SPTLC2: variants seen among roughly 807,000 people sequenced by gnomAD.
The protein encoded by SPTLC2 is serine palmitoyltransferase 2.
SPTLC2 carries 21 observed loss-of-function variants against 62.0 expected under a neutral mutation model. That is an observed-to-expected ratio of 0.34 (90% CI 0.24 to 0.49). The LOEUF (loss-of-function observed/expected upper bound fraction) is 0.49, where lower values mean the gene tolerates loss of function less well. SPTLC2 is among the 20% of genes least tolerant of loss of function. The pLI, the probability that SPTLC2 is intolerant of heterozygous loss-of-function variation, is 0.99. For missense variants in SPTLC2, 511 were observed against 713.0 expected (o/e 0.72, Z 3.23); for synonymous variants, 261 against 261.8 (o/e 1.00, Z 0.03).
Position 77,570,287 on chromosome 14 carries a change from CCTA to C in SPTLC2, c.756+94_756+96del, listed in dbSNP as rs2079673757. ...ATATCTTTGGCTAAACTATGTTTAG[CCTA>C]AAGTTTATAACAGCTTTTAGCTCAC... On this transcript the variant is annotated intron_variant, in intron 5 of 11. Coordinates refer to ENST00000216484, the MANE Select transcript of SPTLC2 (RefSeq NM_004863.4). 6 of 1,502,858 alleles carry C rather than the reference CCTA, an allele frequency of 4.0e-6. No individual in the cohort carries two copies. The Admixed American group carries it at 1.0e-4, about 26-fold the overall frequency. The allele number at this position is 1,502,858 out of a possible 1,614,324, so 93.1% of individuals were successfully genotyped here.
chr14:77,566,876 T>C (rs1001116657), intron 5 of SPTLC2, among the ~76,000 whole-genome samples: 12 of 55,930 alleles, frequency 2.1e-4, no homozygotes. Flanking sequence ...GGAAATTCAG[T>C]ATCAGATTCA....
At chr14:77,527,194 T>C (rs1043713238) in intron 9 of SPTLC2, among the ~76,000 whole-genome samples, 28 of 151,796 alleles carry the variant, frequency 1.8e-4, no homozygotes, top group Middle Eastern at 3.4e-3. Flanking sequence ...CCTCTCAGGC[T>C]CAAGCGATTC....
chr14:77,516,637 G>GA (rs574350476), intron 11 of SPTLC2, among the ~76,000 whole-genome samples: 111 of 151,382 alleles, frequency 7.3e-4, no homozygotes, highest in Non-Finnish European at 1.3e-3. Context: ...TCAAAATAAA[G>GA]AAAAAAAAGA....
At chr14:77,533,387 A>T (rs564432554) in intron 9 of SPTLC2, among the ~76,000 whole-genome samples, 1 of 152,288 alleles carries the variant, frequency 6.6e-6, no homozygotes, top group African/African-American at 2.4e-5. Context: ...TTTTTGTAGA[A>T]ATAATATGCT....
At chr14:77,530,806 A>G (rs28379508) in intron 9 of SPTLC2, among the ~76,000 whole-genome samples, 144 of 139,298 alleles carry the variant, frequency 1.0e-3, no homozygotes, top group African/African-American at 3.4e-3. Flanking sequence ...GAATGACTCA[A>G]TGATGTATTC....
rs978038970 is a variant in SPTLC2 at position 77,520,255 on chromosome 14, C to T, written c.1439+1191G>A. On this transcript the variant is annotated intron_variant, in intron 10 of 11. Coordinates refer to ENST00000216484, the MANE Select transcript of SPTLC2 (RefSeq NM_004863.4). Reference sequence around the variant, plus strand: ...AATCCTTCCCCATCCCCTCTGAAGCCATAATACCAACTGCCCATATGACTT... The same window carrying T: ...AATCCTTCCCCATCCCCTCTGAAGCTATAATACCAACTGCCCATATGACTT... Among the ~76,000 whole-genome samples the T allele has an allele frequency of 3.3e-5, 5 of 152,204 alleles. 1 individual carries two copies. Among genetic ancestry groups the T allele is most frequent in the Non-Finnish European group, 7.3e-5 (5 of 68,030 alleles).
Position 77,578,100 on chromosome 14 carries a change from G to A in SPTLC2, c.482+855C>T, listed in dbSNP as rs1387103781. Among the ~76,000 whole-genome samples the A allele has an allele frequency of 3.9e-5, 6 of 152,168 alleles. No homozygotes were observed. In the East Asian group the frequency reaches 9.7e-4, roughly 25 times the overall value. ...GTGGAGGTTGCAGTGGGCTAAGATTGTGACACTGCACTCCAGCCTGGGCAA... is the reference window on the plus strand; with the variant it reads ...GTGGAGGTTGCAGTGGGCTAAGATTATGACACTGCACTCCAGCCTGGGCAA... On this transcript the variant is annotated intron_variant, in intron 3 of 11. Transcript: ENST00000216484.
intron 11 of SPTLC2, among the ~76,000 whole-genome samples, chr14:77,516,005 TGCGC>T (rs1318120124): frequency 0.012 from 238 of 19,660 alleles, 1 homozygote; most frequent in African/African-American, 0.015. Context: ...TGTGTGTGTG[TGCGC>T]GCGCGCGCAT....
intron 7 of SPTLC2, among the ~76,000 whole-genome samples, chr14:77,556,338 A>T (rs541304704): frequency 2.9e-4 from 36 of 123,778 alleles, no homozygotes; most frequent in African/African-American, 1.1e-3. Context: ...CAAACCACCA[A>T]AAAACAAAAA....
intron 9 of SPTLC2, among the ~76,000 whole-genome samples, chr14:77,542,637 C>T (rs1470166168): frequency 2.0e-5 from 3 of 152,170 alleles, no homozygotes; most frequent in Non-Finnish European, 4.4e-5. Context: ...TAAAGAACAT[C>T]AAAGCAGACA....
At chr14:77,519,103 G>A (rs1474846127) in intron 10 of SPTLC2, among the ~76,000 whole-genome samples, 6 of 152,160 alleles carry the variant, frequency 3.9e-5, no homozygotes, top group African/African-American at 7.2e-5. Context: ...GCAGTGGCAC[G>A]ATCTTGGCTC....
chr14:77,518,495 G>A (rs1002006769), intron 10 of SPTLC2, among the ~76,000 whole-genome samples: 14 of 151,898 alleles, frequency 9.2e-5, no homozygotes, highest in African/African-American at 3.1e-4. Context: ...TACTCAGGAG[G>A]CTGAGGCATG....
chr14:77,565,070 T>A (rs536280794), intron 5 of SPTLC2, among the ~76,000 whole-genome samples: 3 of 151,500 alleles, frequency 2.0e-5, no homozygotes. Flanking sequence ...TGAAACCCCA[T>A]CTCTACTAAG....
intron 6 of SPTLC2, among the ~76,000 whole-genome samples, chr14:77,557,472 A>G (rs980513684): frequency 6.6e-6 from 1 of 152,360 alleles, no homozygotes; most frequent in East Asian, 1.9e-4. Context: ...TTATCGAAAA[A>G]TACAGAATCA....
At chr14:77,581,528 A>G (rs2079751168) in intron 2 of SPTLC2, among the ~76,000 whole-genome samples, 1 of 148,168 alleles carries the variant, frequency 6.7e-6, no homozygotes, top group African/African-American at 2.5e-5. Flanking sequence ...CTCCTGCCTC[A>G]GCCTCCCAAG....
intron 8 of SPTLC2, among the ~76,000 whole-genome samples, chr14:77,554,138 G>A (rs886343747): frequency 1.2e-4 from 18 of 152,244 alleles, no homozygotes; most frequent in Non-Finnish European, 2.4e-4. Flanking sequence ...TTAATACTCC[G>A]AATATTGAGT....
intron 2 of SPTLC2, among the ~76,000 whole-genome samples, chr14:77,582,520 A>T (rs914632879): frequency 3.3e-5 from 5 of 152,192 alleles, no homozygotes; most frequent in African/African-American, 1.2e-4. Flanking sequence ...TGCTCCAAAT[A>T]CCAGAGGGAT....
intron 1 of SPTLC2, 72 bp from the exon 2 acceptor site, chr14:77,597,452 T>TA: frequency 7.0e-7 from 1 of 1,423,206 alleles, no homozygotes; most frequent in South Asian, 1.2e-5. Context: ...TCTAGGTCCT[T>TA]AGAGATTTGC....
At position 77,508,989 on chromosome 14, in the gene SPTLC2, T is replaced by C. The variant is rs1250977155; in HGVS notation, c.*3295A>G. On this transcript the variant is annotated 3_prime_UTR_variant, in exon 12 of 12. Transcript: ENST00000216484. The stretch of plus-strand genomic sequence containing the variant: ...AGAAGGCATTACGGAGACAAATCAC[T>C]GGAAGCATGTTCAACTCCTTGGTGT... 1 of 152,200 alleles carries C rather than the reference T, an allele frequency of 6.6e-6. No individual in the cohort carries two copies. The highest frequency in any genetic ancestry group is 1.9e-4 in the East Asian group (1 of 5,198). The allele number at this position is 152,200 out of a possible 1,614,324, so 9.4% of individuals were successfully genotyped here.
Sources: gnomAD v4.1 joint callset for allele counts (sites outside exome capture counted in the v4.1 genomes callset) on GRCh38, gnomAD v4.1.1 for gene constraint, MANE v1.5 for transcripts, NCBI Gene and HGNC (gene_info 2026-07-23, HGNC 2026-07-21) for gene names.